TMC2: variants seen among roughly 807,000 people sequenced by gnomAD.
The protein encoded by TMC2 is transmembrane channel like 2.
Under a neutral mutation model 105.9 loss-of-function variants are expected in TMC2, and 102 were observed. That is an observed-to-expected ratio of 0.96 (90% CI 0.82 to 1.14). TMC2 has a LOEUF of 1.14. Ranked by LOEUF, TMC2 falls within the 50% of genes most tolerant of loss-of-function variation. The probability of loss-of-function intolerance (pLI) is 0.00; values close to 1 mark genes in which losing one functional copy is unlikely to be tolerated. For synonymous variants in TMC2, 402 were observed against 422.8 expected (o/e 0.95, Z 0.60); for missense variants, 1,093 against 1,134.3 (o/e 0.96, Z 0.52).
chr20:2,538,072 C>T (rs2085863215), intron 2 of TMC2, among the ~76,000 whole-genome samples: 1 of 151,250 alleles, frequency 6.6e-6, no homozygotes, highest in South Asian at 2.1e-4. Context: ...CCTTTCCACT[C>T]CCTCCTGTGG....
intron 17 of TMC2, among the ~76,000 whole-genome samples, chr20:2,624,774 C>T (rs565240255): frequency 5.6e-4 from 85 of 152,266 alleles, no homozygotes; most frequent in African/African-American, 1.9e-3. Flanking sequence ...ATGAGGGCAC[C>T]AGCAAGTGCA....
chr20:2,605,292 T>A (rs2086381501), intron 11 of TMC2, among the ~76,000 whole-genome samples: 1 of 152,150 alleles, frequency 6.6e-6, no homozygotes, highest in South Asian at 2.1e-4. Context: ...GAAAAACATA[T>A]AGGCTGCCAC....
intron 2 of TMC2, among the ~76,000 whole-genome samples, chr20:2,550,457 T>C (rs933562388): frequency 6.6e-6 from 1 of 152,216 alleles, no homozygotes; most frequent in African/African-American, 2.4e-5. Flanking sequence ...GTGTGCTGCG[T>C]TTGTTACAAC....
At chr20:2,637,143 C>G (rs1462967779) in intron 18 of TMC2, among the ~76,000 whole-genome samples, 2 of 151,790 alleles carry the variant, frequency 1.3e-5, no homozygotes, top group Admixed American at 6.6e-5. Context: ...AATCCCAGCA[C>G]TTTGTGAGGC....
In TMC2 at chr20:2,624,251, G is replaced by A. The variant is rs187622214; in HGVS notation, c.2181-20G>A. On this transcript the variant is annotated intron_variant, in intron 16 of 19. Transcript: ENST00000358864. Reference sequence around the variant, plus strand: ...CAGGCACATGGCAGCATGTTATATTGTGTCCTCTCCTTTTTCCAGTGGGAA... The same window carrying A: ...CAGGCACATGGCAGCATGTTATATTATGTCCTCTCCTTTTTCCAGTGGGAA... 61 of 1,612,310 alleles carry A rather than the reference G, an allele frequency of 3.8e-5. No individual in the cohort carries two copies. The East Asian group carries it at 1.3e-3, about 34-fold the overall frequency.
In TMC2 at chr20:2,616,199, G is replaced by T. The variant is rs999621861; in HGVS notation, c.1935G>T (p.Met645Ile). Residue 645 changes from methionine (M) to isoleucine (I), a missense_variant, in exon 15 of 20, where the codon ATG (methionine) becomes ATT (isoleucine). Physicochemically the swap from Met to Ile is conservative, Grantham distance 10. Transcript: ENST00000358864. The surrounding 1 kb of genome is among the most constrained non-coding windows in gnomAD (Gnocchi z 4.8). ...NVLGLIFNQG[M>I]IWMGSFYAPG... ...TGGGTTTGATCTTCAACCAAGGAATGATCTGGTGAGTTATCCATTTCATCT... is the reference window on the plus strand; with the variant it reads ...TGGGTTTGATCTTCAACCAAGGAATTATCTGGTGAGTTATCCATTTCATCT... 1.2e-6 allele frequency: 2 copies of T among 1,612,380 alleles called. No homozygotes were observed. Among genetic ancestry groups the T allele is most frequent in the Non-Finnish European group, 1.7e-6 (2 of 1,178,620 alleles).
At chr20:2,581,702 T>C (rs955415477) in intron 7 of TMC2, among the ~76,000 whole-genome samples, 2 of 152,232 alleles carry the variant, frequency 1.3e-5, no homozygotes, top group Admixed American at 1.3e-4. Context: ...GAGACATCTC[T>C]GAAATTTTGC....
rs1251717583 is a variant in TMC2, at chr20:2,558,613, A to C, written c.240A>C (p.Arg80Ser). ...AGCAAACAGGGCGCAGGAGACACAG[A>C]GAAGAGCTGGGGGAGCAGGAGCGGG... Reference protein sequence around the residue: ...RRKQTGRRRHREELGEQERGE... With the variant: ...RRKQTGRRRHSEELGEQERGE... Residue 80 changes from arginine to serine, a missense_variant, in exon 3 of 20, where the codon AGA (arginine) becomes AGC (serine). Coordinates refer to ENST00000358864, the MANE Select transcript of TMC2 (RefSeq NM_080751.3). This position sits in a 1 kb window ranked among gnomAD's most constrained non-coding sequence, Gnocchi z 4.6. 2 of 1,559,732 alleles carry C rather than the reference A, an allele frequency of 1.3e-6. No homozygotes were observed. Among genetic ancestry groups the C allele is most frequent in the Non-Finnish European group, 1.7e-6 (2 of 1,151,516 alleles).
chr20:2,604,603 A>G (rs1448877863), intron 11 of TMC2, among the ~76,000 whole-genome samples: 1 of 152,046 alleles, frequency 6.6e-6, no homozygotes, highest in Non-Finnish European at 1.5e-5. Context: ...TAGTAAGATG[A>G]CTGGTTGCTG....
At chr20:2,631,828 GA>G (rs1296170185) in intron 17 of TMC2, among the ~76,000 whole-genome samples, 2 of 151,506 alleles carry the variant, frequency 1.3e-5, no homozygotes, top group African/African-American at 4.8e-5. Flanking sequence ...GATGAAATCT[GA>G]TTAAAAATAG....
At chr20:2,594,532 A>G (rs1037949622) in intron 8 of TMC2, among the ~76,000 whole-genome samples, 1 of 151,982 alleles carries the variant, frequency 6.6e-6, no homozygotes, top group Admixed American at 6.6e-5. Flanking sequence ...CCAACCCCCT[A>G]TCCCTAATTT....
At chr20:2,593,239 C>T (rs2086281689) in intron 8 of TMC2, among the ~76,000 whole-genome samples, 2 of 152,136 alleles carry the variant, frequency 1.3e-5, no homozygotes, top group African/African-American at 2.4e-5. Context: ...ATCATGAGAA[C>T]AGCATGGGGG....
intron 10 of TMC2, among the ~76,000 whole-genome samples, chr20:2,597,651 C>G (rs2086318499): frequency 7.4e-6 from 1 of 134,700 alleles, no homozygotes; most frequent in Non-Finnish European, 1.6e-5. Context: ...CTATGCCCAG[C>G]TAATTTTTTT....
intron 14 of TMC2, among the ~76,000 whole-genome samples, chr20:2,614,334 G>A (rs1032562348): frequency 6.6e-6 from 1 of 152,190 alleles, no homozygotes; most frequent in Non-Finnish European, 1.5e-5. Flanking sequence ...GGCCAGGTAT[G>A]GTGGCTCACA....
chr20:2,603,063 G>T (rs1250772963), intron 11 of TMC2, among the ~76,000 whole-genome samples: 1 of 152,122 alleles, frequency 6.6e-6, no homozygotes, highest in Admixed American at 6.6e-5. Context: ...TGAGACCTTC[G>T]TCATGTGAAT....
At chr20:2,548,475 C>G (rs2085937472) in intron 2 of TMC2, among the ~76,000 whole-genome samples, 1 of 151,848 alleles carries the variant, frequency 6.6e-6, no homozygotes, top group Admixed American at 6.6e-5. Context: ...CCCGTCTCTA[C>G]TAAAAATAGA....
At chr20:2,561,091 G>A (rs2086023012) in intron 3 of TMC2, among the ~76,000 whole-genome samples, 1 of 152,230 alleles carries the variant, frequency 6.6e-6, no homozygotes, top group Non-Finnish European at 1.5e-5. Flanking sequence ...TAATGCCACT[G>A]AGTTGACATA....
intron 2 of TMC2, among the ~76,000 whole-genome samples, chr20:2,537,970 A>T (rs962060283): frequency 6.6e-6 from 1 of 151,988 alleles, no homozygotes; most frequent in Non-Finnish European, 1.5e-5. Flanking sequence ...TGCGCCCCAC[A>T]CTAGTAGGCA....
At chr20:2,551,220 T>C (rs2422780) in intron 2 of TMC2, among the ~76,000 whole-genome samples, 28,389 of 152,220 alleles carry the variant, frequency 0.19, 2,804 homozygotes, top group African/African-American at 0.25. Context: ...ACATACCATG[T>C]TGAGCATCTT....
Sources: gnomAD v4.1 joint callset for allele counts (sites outside exome capture counted in the v4.1 genomes callset) on GRCh38, gnomAD v4.1.1 for gene constraint, Gnocchi (gnomAD v3.1) non-coding constraint, MANE v1.5 for transcripts, NCBI Gene and HGNC (gene_info 2026-07-23, HGNC 2026-07-21) for gene names.